The following FRMD4A variants were observed in gnomAD, a reference collection of about 807,000 sequenced individuals.
FRMD4A encodes the protein FERM domain containing 4A, also known as FERM domain-containing protein 4A.
FRMD4A carries 29 observed loss-of-function variants against 129.1 expected under a neutral mutation model. The observed-to-expected ratio is 0.22, with a 90% CI of 0.17 to 0.31. FRMD4A has a LOEUF of 0.31. Ranked by LOEUF, FRMD4A falls within the 10% of genes least tolerant of loss-of-function variation. FRMD4A has a pLI of 1.00. For synonymous variants in FRMD4A, 634 were observed against 571.6 expected, an observed-to-expected ratio of 1.11 and a Z score of -1.56; for missense variants, 1,272 against 1,375.8, an observed-to-expected ratio of 0.92 and a Z score of 1.19.
intron 2 of FRMD4A, among the ~76,000 whole-genome samples, chr10:14,207,534 A>T (rs1215934205): frequency 6.6e-6 from 1 of 152,162 alleles, no homozygotes; most frequent in African/African-American, 2.4e-5. Context: ...CACAGGCCCC[A>T]GTCTTTTTGT....
chr10:14,319,296 A>C (rs1158395077), intron 2 of FRMD4A, among the ~76,000 whole-genome samples: 1 of 150,470 alleles, frequency 6.6e-6, no homozygotes, highest in East Asian at 1.9e-4. Flanking sequence ...TACAAAAATT[A>C]CAAAGTGTGG....
chr10:13,750,753 G>T (rs34292621), intron 8 of FRMD4A, among the ~76,000 whole-genome samples: 1 of 152,254 alleles, frequency 6.6e-6, no homozygotes, highest in South Asian at 2.1e-4. Context: ...GCCTCTCCTG[G>T]GTTTGATCCA....
intron 6 of FRMD4A, among the ~76,000 whole-genome samples, chr10:13,767,790 G>A (rs780819177): frequency 2.6e-5 from 4 of 152,116 alleles, no homozygotes; most frequent in African/African-American, 4.8e-5. Flanking sequence ...ACAGCTCTGC[G>A]GTGAAGCCCC....
At position 13,706,749 on chromosome 10, in the gene FRMD4A, G is replaced by GACACACACACACACACAC. The variant is rs3031967; in HGVS notation, c.836+270_836+287dup. Reference sequence around the variant, plus strand: ...GGCAGGTAAGACAAACACATACACTGACACACACACACACACACACACACA... The same window carrying GACACACACACACACACAC: ...GGCAGGTAAGACAAACACATACACTGACACACACACACACACACACACACACACACACACACACACACA... On this transcript the variant is annotated intron_variant, in intron 13 of 24. Coordinates refer to ENST00000357447, the MANE Select transcript of FRMD4A (RefSeq NM_018027.5). 2.3e-3 allele frequency among the ~76,000 whole-genome samples: 338 copies of GACACACACACACACACAC among 146,622 alleles called. 5 individuals carry two copies. In the East Asian group the frequency reaches 0.026, roughly 11 times the overall value.
intron 2 of FRMD4A, among the ~76,000 whole-genome samples, chr10:14,039,185 C>T (rs927055482): frequency 1.3e-5 from 2 of 151,932 alleles, no homozygotes; most frequent in African/African-American, 4.8e-5. Context: ...GAATTGTTAG[C>T]TATGTTTTAG....
intron 2 of FRMD4A, among the ~76,000 whole-genome samples, chr10:13,947,260 A>T (rs2095338752): frequency 6.6e-6 from 1 of 152,122 alleles, no homozygotes; most frequent in South Asian, 2.1e-4. Context: ...AAGTTTGGAG[A>T]TATTAGCACT....
intron 4 of FRMD4A, among the ~76,000 whole-genome samples, chr10:13,804,500 T>C (rs549524763): frequency 6.6e-6 from 1 of 152,050 alleles, no homozygotes; most frequent in Admixed American, 6.6e-5. Flanking sequence ...GTTCTAAAGA[T>C]GCATCTTCAA....
chr10:13,654,192 C>G (rs1276110808), intron 23 of FRMD4A: 1 of 581,400 alleles, frequency 1.7e-6, no homozygotes, highest in East Asian at 2.9e-5. Flanking sequence ...AGGACCACCG[C>G]CTACTTTAAG....
At chr10:13,864,338 C>CAAAAAAAAAAAAAAA (rs149602938) in intron 2 of FRMD4A, among the ~76,000 whole-genome samples, 7 of 114,672 alleles carry the variant, frequency 6.1e-5, no homozygotes, top group South Asian at 2.8e-4. Context: ...CATCTTGAGT[C>CAAAAAAAAAAAAAAA]AAAAAAAAAA....
At chr10:14,320,959 G>A (rs1843023450) in intron 2 of FRMD4A, among the ~76,000 whole-genome samples, 1 of 152,200 alleles carries the variant, frequency 6.6e-6, no homozygotes, top group East Asian at 1.9e-4. Context: ...GGCGTCCTCA[G>A]TCACTCCTCT....
rs141870564 is a variant in FRMD4A, at chr10:14,075,477, G to A, written c.46-216565C>T. 5.5e-3 allele frequency among the ~76,000 whole-genome samples: 832 copies of A among 152,288 alleles called. 9 individuals carry two copies. Among genetic ancestry groups the A allele is most frequent in the Middle Eastern group, 0.024 (7 of 294 alleles). ...GGGCACTAGGAACAGGGACAGAACT[G>A]GAACCTGTGCCTATCTCTTTCTGTC... On this transcript the variant is annotated intron_variant, in intron 2 of 24. Transcript: ENST00000357447.
At chr10:14,046,662 T>A (rs1363099760) in intron 2 of FRMD4A, among the ~76,000 whole-genome samples, 3 of 152,154 alleles carry the variant, frequency 2.0e-5, no homozygotes, top group Non-Finnish European at 4.4e-5. Context: ...ATAGAGAAAA[T>A]CATTTCTGTT....
At chr10:14,222,488 A>G (rs1315256848) in intron 2 of FRMD4A, among the ~76,000 whole-genome samples, 2 of 152,224 alleles carry the variant, frequency 1.3e-5, no homozygotes, top group Non-Finnish European at 2.9e-5. Context: ...TGACTTGATT[A>G]GAGTGAGAGA....
chr10:13,971,582 C>T, intron 2 of FRMD4A: 5 of 846,146 alleles, frequency 5.9e-6, no homozygotes, highest in Non-Finnish European at 8.7e-6. Flanking sequence ...GACAATAGCT[C>T]ATGCCCCCTT....
At chr10:14,197,878 G>A (rs1008277485) in intron 2 of FRMD4A, among the ~76,000 whole-genome samples, 2 of 152,152 alleles carry the variant, frequency 1.3e-5, no homozygotes, top group African/African-American at 4.8e-5. Flanking sequence ...TAATTTCCAC[G>A]AGACAGAATA....
At chr10:14,070,301 G>A (rs1412920400) in intron 2 of FRMD4A, among the ~76,000 whole-genome samples, 2 of 152,270 alleles carry the variant, frequency 1.3e-5, no homozygotes, top group African/African-American at 2.4e-5. Flanking sequence ...AATTTTGGGA[G>A]ATAAACTCTC....
At chr10:13,735,807 T>G (rs567778211) in intron 12 of FRMD4A, among the ~76,000 whole-genome samples, 1 of 152,140 alleles carries the variant, frequency 6.6e-6, no homozygotes, top group East Asian at 1.9e-4. Context: ...GTTAAAGGCT[T>G]TAGGGAGTAT....
intron 2 of FRMD4A, among the ~76,000 whole-genome samples, chr10:14,010,462 G>A (rs72776620): frequency 0.049 from 7,477 of 152,054 alleles, 241 homozygotes; most frequent in East Asian, 0.094. Context: ...CTTGGGAGGC[G>A]GGGAGAAGGA....
intron 2 of FRMD4A, among the ~76,000 whole-genome samples, chr10:14,236,504 T>TTGC (rs1843819130): frequency 1.3e-5 from 2 of 152,304 alleles, no homozygotes; most frequent in African/African-American, 4.8e-5. Flanking sequence ...CACTGGATGC[T>TTGC]TGCTGCTGCT....
Sources: allele counts gnomAD v4.1 joint callset (sites outside exome capture counted in the v4.1 genomes callset), GRCh38; gene constraint gnomAD v4.1.1; transcripts MANE v1.5; gene names NCBI Gene and HGNC (gene_info 2026-07-23, HGNC 2026-07-21).